Variants in PBK observed in about 807,000 individuals in gnomAD.
PBK encodes the protein lymphokine-activated killer T-cell-originated protein kinase.
PBK carries 22 observed loss-of-function variants against 33.5 expected under a neutral mutation model. The ratio of observed to expected loss-of-function variants is 0.66; its 90% confidence interval spans 0.47 to 0.94. The LOEUF (loss-of-function observed/expected upper bound fraction) is 0.94. Among genes scored for constraint, PBK ranks in the 40% least tolerant of loss-of-function variants. The pLI is 0.00. For synonymous variants in PBK, 129 were observed against 123.8 expected, an observed-to-expected ratio of 1.04 and a Z score of -0.28; for missense variants, 376 against 383.4, an observed-to-expected ratio of 0.98 and a Z score of 0.16.
At chr8:27,835,595 AG>A (rs1806212875) in intron 1 of PBK, among the ~76,000 whole-genome samples, 1 of 149,708 alleles carries the variant, frequency 6.7e-6, no homozygotes, top group African/African-American at 2.5e-5. Flanking sequence ...CTTGTTGCCC[AG>A]GCTGGGGTGC....
In PBK at chr8:27,828,218, AAAAT is replaced by A. The variant is rs780430854; in HGVS notation, c.59-24_59-21del. ...ATAATACTAAATGTCAGAGAAATAA[AAAAT>A]AAAATTAATAAAAAATAAAAATAAA... is the stretch of plus-strand genomic sequence containing the variant. On this transcript the variant is annotated intron_variant, in intron 2 of 7. Coordinates refer to ENST00000301905, the MANE Select transcript of PBK (RefSeq NM_018492.4). 14 of 1,124,706 alleles carry A rather than the reference AAAAT, an allele frequency of 1.2e-5. No individual in the cohort carries two copies. In the South Asian group the frequency reaches 1.7e-4, roughly 14 times the overall value. The allele number at this position is 1,124,706 out of a possible 1,614,324, so 69.7% of individuals were successfully genotyped here.
chr8:27,833,083 T>C lies in PBK; in HGVS notation c.31A>G (p.Ser11Gly). Residue 11 changes from serine (S) to glycine (G), a missense_variant, in exon 2 of 8, where the codon AGC becomes GGC. By Grantham distance (56) the Ser-to-Gly change is moderately conservative. Transcript: ENST00000301905. ...GATTTCTTTTTTTCTGATAATTTGC[T>C]TGGTGTCTTGAAATTACTGATCCCT... MEGISNFKTP[S>G]KLSEKKKSVL... 1 of 1,599,402 alleles carries C rather than the reference T, an allele frequency of 6.3e-7. No homozygotes were observed. The highest frequency in any genetic ancestry group is 8.5e-7 in the Non-Finnish European group (1 of 1,173,652).
chr8:27,826,837 T>C (rs1316868524), intron 3 of PBK, among the ~76,000 whole-genome samples: 2 of 152,060 alleles, frequency 1.3e-5, no homozygotes, highest in East Asian at 3.9e-4. Flanking sequence ...TTGAAGCTTT[T>C]TGACTAAACC....
At chr8:27,829,930 T>C (rs547116455) in intron 2 of PBK, among the ~76,000 whole-genome samples, 6 of 133,644 alleles carry the variant, frequency 4.5e-5, no homozygotes, top group African/African-American at 1.5e-4. Context: ...AGGCCAAGAG[T>C]GGTGGCTCAC....
rs1217557728 is a variant in PBK at position 27,823,070 on chromosome 8, G to A, written c.288C>T (p.Asn96=). The A allele has an allele frequency of 5.0e-6, 8 of 1,591,792 alleles. No individual in the cohort carries two copies. Among genetic ancestry groups the A allele is most frequent in the South Asian group, 3.4e-5 (3 of 88,576 alleles). The part of the protein sequence containing the change: ...AKILKSLHHP[N]IVGYRAFTEA... ...TACCAAATTTAAACGTACCAACAAT[G>A]TTTGGATGATGAAGGCTTTTCAAAA... The change falls in exon 4 of 8, where the codon AAC becomes AAT. Residue 96 remains asparagine, a synonymous_variant. Coordinates refer to ENST00000301905, the MANE Select transcript of PBK (RefSeq NM_018492.4).
chr8:27,829,304 T>C (rs1371840207), intron 2 of PBK, among the ~76,000 whole-genome samples: 2 of 152,104 alleles, frequency 1.3e-5, no homozygotes, highest in East Asian at 3.9e-4. Context: ...ATGGTAACCC[T>C]GTAACACATA....
chr8:27,811,171 C>T (rs1178671275), intron 6 of PBK, 37 bp from the exon 7 acceptor site: 2 of 1,607,878 alleles, frequency 1.2e-6, no homozygotes, highest in African/African-American at 2.7e-5. Flanking sequence ...GCAGGAGCTA[C>T]AAATCACGAA....
chr8:27,834,096 C>T (rs968068484), intron 1 of PBK, among the ~76,000 whole-genome samples: 13 of 149,936 alleles, frequency 8.7e-5, no homozygotes, highest in Non-Finnish European at 1.3e-4. Context: ...GGCATGATCT[C>T]GACTCACTGC....
Position 27,810,334 on chromosome 8 carries a change from T to C in PBK, c.940A>G (p.Ile314Val), listed in dbSNP as rs772464104. The change falls in exon 8 of 8, where the codon ATT becomes GTT. Residue 314 changes from isoleucine to valine, a missense_variant. Physicochemically the swap from Ile to Val is conservative, Grantham distance 29. Transcript: ENST00000301905. ...ACATCTGTTTCCAGAGCTTCAACAATGTGTGCAGCAGAAGGACGATCTTTA... is the reference window on the plus strand; with the variant it reads ...ACATCTGTTTCCAGAGCTTCAACAACGTGTGCAGCAGAAGGACGATCTTTA... ...DPKDRPSAAH[I>V]VEALETDV is the part of the protein sequence containing the mutation. 3 of 1,612,686 alleles carry C rather than the reference T, an allele frequency of 1.9e-6. No homozygotes were observed. The highest frequency in any genetic ancestry group is 2.7e-5 in the African/African-American group (2 of 74,872).
At chr8:27,814,160 A>G (rs956159695) in intron 6 of PBK, among the ~76,000 whole-genome samples, 1 of 152,196 alleles carries the variant, frequency 6.6e-6, no homozygotes, top group African/African-American at 2.4e-5. Flanking sequence ...TATTTGGTAG[A>G]AATCAACAGT....
At chr8:27,828,344 G>T in intron 2 of PBK, 146 bp from the exon 3 acceptor site, 3 of 437,056 alleles carry the variant, frequency 6.9e-6, no homozygotes, top group African/African-American at 2.0e-5. Context: ...TTTTAAATGG[G>T]TATCTTTTGA....
At chr8:27,822,247 G>A in intron 5 of PBK, 72 bp downstream of exon 5, 1 of 1,154,702 alleles carries the variant, frequency 8.7e-7, no homozygotes, top group Non-Finnish European at 1.2e-6. Context: ...AAGATGTCCT[G>A]CAAAGTGATT....
At chr8:27,826,042 G>A (rs771425427) in intron 3 of PBK, among the ~76,000 whole-genome samples, 4 of 152,084 alleles carry the variant, frequency 2.6e-5, no homozygotes, top group Non-Finnish European at 4.4e-5. Flanking sequence ...GAATGCTACC[G>A]ACATACAGAA....
In PBK at chr8:27,819,144, T is replaced by C. The variant is rs771757488; in HGVS notation, c.595+1421A>G. ...TCTGCTCAGGAAGATTCCTCCTCCT[T>C]TCATCGAGTTTTCCCAGCCATGTTT... On this transcript the variant is annotated intron_variant, in intron 6 of 7. Transcript: ENST00000301905. Among the ~76,000 whole-genome samples, 47 of 152,240 alleles carry C rather than the reference T, an allele frequency of 3.1e-4. 1 individual carries two copies. Among genetic ancestry groups the C allele is most frequent in the African/African-American group, 2.4e-4 (10 of 41,560 alleles).
chr8:27,815,839 C>T (rs1388167035), intron 6 of PBK, among the ~76,000 whole-genome samples: 1 of 152,170 alleles, frequency 6.6e-6, no homozygotes, highest in Non-Finnish European at 1.5e-5. Context: ...GATTGGGCCC[C>T]CTGCCACCTA....
intron 1 of PBK, among the ~76,000 whole-genome samples, chr8:27,836,464 G>GATTT (rs1806229684): frequency 6.6e-6 from 1 of 151,562 alleles, no homozygotes; most frequent in African/African-American, 2.4e-5. Context: ...GCAAGCTGAA[G>GATTT]ATTTAAGTTT....
chr8:27,830,604 A>G (rs770830514), intron 2 of PBK, among the ~76,000 whole-genome samples: 1 of 152,354 alleles, frequency 6.6e-6, no homozygotes, highest in South Asian at 2.1e-4. Context: ...GTGCTGTCTG[A>G]GCGCTGAGCA....
chr8:27,821,465 T>C (rs1805927572), intron 5 of PBK, among the ~76,000 whole-genome samples: 5 of 151,712 alleles, frequency 3.3e-5, no homozygotes, highest in Admixed American at 3.3e-4. Context: ...TTTCACTATG[T>C]TGGCCAGGCT....
At chr8:27,820,850 G>A (rs866460529) in intron 5 of PBK, among the ~76,000 whole-genome samples, 156 bp from the exon 6 acceptor site, 3 of 148,172 alleles carry the variant, frequency 2.0e-5, no homozygotes, top group Admixed American at 1.3e-4. Flanking sequence ...TTAAAACGGA[G>A]TCTCACTCTG....
Sources: gnomAD v4.1 joint callset for allele counts (sites outside exome capture counted in the v4.1 genomes callset) on GRCh38, gnomAD v4.1.1 for gene constraint, MANE v1.5 for transcripts, NCBI Gene and HGNC (gene_info 2026-07-23, HGNC 2026-07-21) for gene names.